Variants in NEK7 observed in about 807,000 individuals in gnomAD.
NEK7 encodes the protein serine/threonine-protein kinase Nek7.
A neutral mutation model predicts 44.6 loss-of-function variants in NEK7; 18 were observed. The ratio of observed to expected loss-of-function variants is 0.40; its 90% confidence interval spans 0.28 to 0.60. The LOEUF (loss-of-function observed/expected upper bound fraction) is 0.60. Among genes scored for constraint, NEK7 ranks in the 20% least tolerant of loss-of-function variants. The probability of loss-of-function intolerance (pLI) is 0.38; values close to 1 mark genes in which losing one functional copy is unlikely to be tolerated. For synonymous variants in NEK7, 130 were observed against 121.1 expected, an observed-to-expected ratio of 1.07 and a Z score of -0.48; for missense variants, 256 against 366.5, an observed-to-expected ratio of 0.70 and a Z score of 2.46.
intron 1 of NEK7, among the ~76,000 whole-genome samples, chr1:198,217,186 G>A (rs949376251): frequency 2.0e-5 from 3 of 152,006 alleles, no homozygotes; most frequent in Non-Finnish European, 4.4e-5. Flanking sequence ...GTAAAACACA[G>A]ATGCAAAAAT....
At chr1:198,166,318 C>A (rs191568913) in intron 1 of NEK7, among the ~76,000 whole-genome samples, 2 of 152,274 alleles carry the variant, frequency 1.3e-5, no homozygotes, top group African/African-American at 4.8e-5. Flanking sequence ...CTTCAGCAAC[C>A]ACTGATAATG....
At chr1:198,251,141 G>T (rs914482043) in intron 2 of NEK7, among the ~76,000 whole-genome samples, 12 of 151,948 alleles carry the variant, frequency 7.9e-5, no homozygotes, top group African/African-American at 2.9e-4. Context: ...AGATAATCAT[G>T]TGGTTTTTGT....
At chr1:198,196,984 CT>C (rs1665256867) in intron 1 of NEK7, among the ~76,000 whole-genome samples, 1 of 152,094 alleles carries the variant, frequency 6.6e-6, no homozygotes, top group Non-Finnish European at 1.5e-5. Flanking sequence ...GGGACTTGGA[CT>C]TTTTGTGTAC....
intron 9 of NEK7, among the ~76,000 whole-genome samples, chr1:198,312,155 G>T (rs541017724): frequency 6.6e-6 from 1 of 151,998 alleles, no homozygotes; most frequent in South Asian, 2.1e-4. Flanking sequence ...CTTCTTCCTG[G>T]TTTAGTCTTG....
chr1:198,297,640 A>G (rs925072317), intron 9 of NEK7, among the ~76,000 whole-genome samples: 9 of 152,130 alleles, frequency 5.9e-5, no homozygotes, highest in African/African-American at 1.9e-4. Flanking sequence ...CACAGTTGTA[A>G]TTTTCTATTT....
chr1:198,180,810 T>TA (rs1664742064), intron 1 of NEK7, among the ~76,000 whole-genome samples: 1 of 152,092 alleles, frequency 6.6e-6, no homozygotes, highest in South Asian at 2.1e-4. Flanking sequence ...AGTCATTTAC[T>TA]AAAAATAAAA....
At chr1:198,245,531 AT>A (rs1279227467) in intron 2 of NEK7, among the ~76,000 whole-genome samples, 1 of 152,202 alleles carries the variant, frequency 6.6e-6, no homozygotes, top group Non-Finnish European at 1.5e-5. Flanking sequence ...AAAGGAAGTT[AT>A]TCAGAAGGCA....
intron 1 of NEK7, among the ~76,000 whole-genome samples, chr1:198,231,862 TG>T (rs1486465232): frequency 6.6e-6 from 1 of 152,118 alleles, no homozygotes; most frequent in Non-Finnish European, 1.5e-5. Flanking sequence ...TCTTAGATTT[TG>T]GTCATAAAAT....
intron 3 of NEK7, among the ~76,000 whole-genome samples, chr1:198,258,564 G>A (rs941157651): frequency 1.3e-5 from 2 of 152,140 alleles, no homozygotes; most frequent in Admixed American, 6.6e-5. Context: ...TTTCTGTTAA[G>A]TTACTAGAAG....
intron 1 of NEK7, among the ~76,000 whole-genome samples, chr1:198,196,712 A>G (rs1220783629): frequency 6.6e-6 from 1 of 152,186 alleles, no homozygotes; most frequent in East Asian, 1.9e-4. Context: ...GGGAAGGGCA[A>G]AGGCAGCTTT....
chr1:198,312,823 T>A (rs914760725), intron 9 of NEK7, among the ~76,000 whole-genome samples: 4 of 152,064 alleles, frequency 2.6e-5, no homozygotes, highest in African/African-American at 4.8e-5. Context: ...ATAATTTCTG[T>A]TCTTTTACAT....
intron 9 of NEK7, among the ~76,000 whole-genome samples, chr1:198,309,393 C>T (rs1655106978): frequency 6.6e-6 from 1 of 152,086 alleles, no homozygotes; most frequent in South Asian, 2.1e-4. Flanking sequence ...AAGCAGGAGA[C>T]TGATGTCAGT....
chr1:198,189,455 T>C (rs956784363), intron 1 of NEK7, among the ~76,000 whole-genome samples: 1 of 152,138 alleles, frequency 6.6e-6, no homozygotes, highest in African/African-American at 2.4e-5. Flanking sequence ...TAGAAGATCA[T>C]AGTAGTCAGG....
chr1:198,165,398 T>G (rs2102705421), intron 1 of NEK7, among the ~76,000 whole-genome samples: 1 of 152,352 alleles, frequency 6.6e-6, no homozygotes, highest in African/African-American at 2.4e-5. Flanking sequence ...ATAAGAAGAC[T>G]TGAAAGTGGA....
chr1:198,224,354 G>A (rs1011906415), intron 1 of NEK7, among the ~76,000 whole-genome samples: 2 of 152,116 alleles, frequency 1.3e-5, no homozygotes, highest in Non-Finnish European at 2.9e-5. Flanking sequence ...TGCTATACAG[G>A]TTTGTAGCCT....
Position 198,232,614 on chromosome 1 carries a change from C to T in NEK7, c.34C>T (p.Pro12Ser). The change falls in exon 2 of 10, where the codon CCT (proline) becomes TCT (serine). Residue 12 changes from proline (P) to serine (S), a missense_variant. Transcript: ENST00000367385. ...GCAATCACAAGGAATGCAAGGGCCA[C>T]CTGTTCCTCAGTTCCAACCACAGGT... Reference protein sequence around the residue: ...DEQSQGMQGPPVPQFQPQKAL... With the variant: ...DEQSQGMQGPSVPQFQPQKAL... 1 of 1,605,854 alleles carries T rather than the reference C, an allele frequency of 6.2e-7. No homozygotes were observed. Among genetic ancestry groups the T allele is most frequent in the Non-Finnish European group, 8.5e-7 (1 of 1,172,826 alleles).
At chr1:198,245,191 AGAG>A (rs1217383831) in intron 2 of NEK7, 1 of 168,484 alleles carries the variant, frequency 5.9e-6, no homozygotes, top group Non-Finnish European at 1.5e-5. Context: ...TTGGGTAGGC[AGAG>A]GAGAAGGAGA....
At position 198,172,860 on chromosome 1, in the gene NEK7, TTGATTA is replaced by T. The variant is rs763910729; in HGVS notation, c.-29+15585_-29+15590del. On this transcript the variant is annotated intron_variant, in intron 1 of 9. Coordinates refer to ENST00000367385, the MANE Select transcript of NEK7 (RefSeq NM_133494.3). Reference sequence around the variant, plus strand: ...GAGTTTAGAATAACTCCCTCAATTCTTGATTAAATCTATATTGATCATAACTAAGTT... The same window carrying T: ...GAGTTTAGAATAACTCCCTCAATTCTAATCTATATTGATCATAACTAAGTT... Among the ~76,000 whole-genome samples the T allele has an allele frequency of 8.7e-4, 132 of 152,364 alleles. 1 individual carries two copies. The highest frequency in any genetic ancestry group is 3.4e-3 in the Middle Eastern group (1 of 294).
At chr1:198,289,714 T>C (rs546375843) in intron 7 of NEK7, among the ~76,000 whole-genome samples, 1 of 152,322 alleles carries the variant, frequency 6.6e-6, no homozygotes, top group South Asian at 2.1e-4. Flanking sequence ...TAAACTATTC[T>C]GTATATAACC....
Sources: allele counts gnomAD v4.1 joint callset (sites outside exome capture counted in the v4.1 genomes callset), GRCh38; gene constraint gnomAD v4.1.1; transcripts MANE v1.5; gene names NCBI Gene and HGNC (gene_info 2026-07-23, HGNC 2026-07-21).